The following CORO2B variants were observed in gnomAD, a reference collection of about 807,000 sequenced individuals.
The protein encoded by CORO2B is coronin-2B.
In CORO2B, 26 loss-of-function variants were observed where a neutral mutation model predicts 58.8. That is an observed-to-expected ratio of 0.44 (90% confidence interval 0.32 to 0.61). CORO2B has a LOEUF of 0.61. Among genes scored for constraint, CORO2B ranks in the 20% least tolerant of loss-of-function variants. CORO2B has a pLI of 0.04. For missense variants in CORO2B, 460 were observed against 645.1 expected (o/e 0.71, Z 3.11); for synonymous variants, 242 against 253.8 (o/e 0.95, Z 0.44).
intron 2 of CORO2B, among the ~76,000 whole-genome samples, chr15:68,659,665 G>T (rs565715131): frequency 2.4e-4 from 36 of 152,242 alleles, no homozygotes; most frequent in Non-Finnish European, 4.6e-4. Context: ...CAGACATGGT[G>T]GCTCATTCCT....
At chr15:68,666,232 A>C (rs1470666438) in intron 2 of CORO2B, among the ~76,000 whole-genome samples, 1 of 152,216 alleles carries the variant, frequency 6.6e-6, no homozygotes, top group African/African-American at 2.4e-5. Context: ...TGGGTAGCGG[A>C]CATAAAACCT....
the CORO2B span, among the ~76,000 whole-genome samples, chr15:68,522,375 T>C: frequency 3.9e-5 from 6 of 152,246 alleles, no homozygotes; most frequent in Non-Finnish European, 8.8e-5. Flanking sequence ...ATCTCTTATA[T>C]GCTCTTTAAG....
At chr15:68,690,646 CTTTTTTTTTT>C (rs765999578) in intron 2 of CORO2B, among the ~76,000 whole-genome samples, 1 of 102,876 alleles carries the variant, frequency 9.7e-6, no homozygotes, top group Non-Finnish European at 2.0e-5. Context: ...CGTTAGCTTT[CTTTTTTTTTT>C]TTTTTTTTTT....
Position 68,657,320 on chromosome 15 carries a change from C to T in CORO2B, c.216+11960C>T, listed in dbSNP as rs951229561. Among the ~76,000 whole-genome samples, 6 of 152,088 alleles carry T rather than the reference C, an allele frequency of 3.9e-5. No individual in the cohort carries two copies. In the East Asian group the frequency reaches 7.7e-4, roughly 20 times the overall value. On this transcript the variant is annotated intron_variant, in intron 2 of 11. Transcript: ENST00000261861. ...TTGCTTGAGTGCAGGAGCTTGGGAC[C>T]AACCTGGGCAACATAGCAAGACACC...
intron 11 of CORO2B, among the ~76,000 whole-genome samples, chr15:68,723,091 G>T (rs374002203): frequency 4.3e-5 from 6 of 140,556 alleles, no homozygotes; most frequent in African/African-American, 1.6e-4. Context: ...CAAAAGGAGA[G>T]AATCATAAAA....
chr15:68,695,536 T>G (rs1340375550), intron 3 of CORO2B, among the ~76,000 whole-genome samples: 2 of 152,164 alleles, frequency 1.3e-5, no homozygotes, highest in African/African-American at 4.8e-5. Context: ...AAGCGTGTGA[T>G]TCAGCATTTG....
chr15:68,660,829 A>C (rs548222927), intron 2 of CORO2B, among the ~76,000 whole-genome samples: 1 of 152,186 alleles, frequency 6.6e-6, no homozygotes, highest in Non-Finnish European at 1.5e-5. Flanking sequence ...CTCAGGCTTG[A>C]TGGCTTTCAC....
intron 1 of CORO2B, among the ~76,000 whole-genome samples, chr15:68,602,441 A>ACACACG (rs1165409686): frequency 1.3e-5 from 2 of 150,890 alleles, no homozygotes; most frequent in African/African-American, 4.9e-5. Flanking sequence ...ACACACACAC[A>ACACACG]CACACACACG....
intron 1 of CORO2B, among the ~76,000 whole-genome samples, chr15:68,584,230 C>A (rs1325487982): frequency 6.6e-6 from 1 of 152,206 alleles, no homozygotes; most frequent in Non-Finnish European, 1.5e-5. Flanking sequence ...CAGGCTCTTT[C>A]CTTCCTTACT....
At chr15:68,577,837 T>C (rs1462552360), upstream of CORO2B, among the ~76,000 whole-genome samples, 1 of 151,772 alleles carries the variant, frequency 6.6e-6, no homozygotes, top group Non-Finnish European at 1.5e-5. Flanking sequence ...AAGGCAGGCA[T>C]CCCATCTCCT....
rs529364143 is a variant in CORO2B, at chr15:68,589,998, C to T, written c.15+10721C>T. On this transcript the variant is annotated intron_variant, in intron 1 of 11. Coordinates refer to ENST00000261861, the MANE Select transcript of CORO2B (RefSeq NM_006091.5). ...CCGGCTCTCCCTCCTGGAAGCTGGC[C>T]GTCCTGGCACACTGGGCTGCCAGCA... Among the ~76,000 whole-genome samples the T allele has an allele frequency of 5.3e-5, 8 of 152,280 alleles. No homozygotes were observed. The East Asian group carries it at 9.7e-4, about 18-fold the overall frequency.
chr15:68,561,849 T>C, the CORO2B span, among the ~76,000 whole-genome samples: 2 of 152,178 alleles, frequency 1.3e-5, no homozygotes, highest in Non-Finnish European at 2.9e-5. Flanking sequence ...TGAGCCTGTG[T>C]GCGTAGTTGT....
chr15:68,692,751 A>G (rs766945333), intron 2 of CORO2B, among the ~76,000 whole-genome samples: 26 of 150,214 alleles, frequency 1.7e-4, no homozygotes, highest in Non-Finnish European at 3.3e-4. Context: ...CTCATGGCTC[A>G]GCCTCCCAAG....
chr15:68,569,106 AT>A, the CORO2B span, among the ~76,000 whole-genome samples: 2 of 152,114 alleles, frequency 1.3e-5, no homozygotes, highest in Non-Finnish European at 2.9e-5. Context: ...AAAGTGGTAC[AT>A]TTGTTACAAT....
intron 1 of CORO2B, among the ~76,000 whole-genome samples, chr15:68,605,359 A>G (rs961365190): frequency 2.0e-5 from 3 of 152,212 alleles, no homozygotes; most frequent in African/African-American, 7.2e-5. Context: ...GAAATAATCC[A>G]AAGGCGGGGA....
chr15:68,596,970 C>T (rs1566980764), intron 1 of CORO2B, among the ~76,000 whole-genome samples: 1 of 152,214 alleles, frequency 6.6e-6, no homozygotes, highest in Non-Finnish European at 1.5e-5. Context: ...TGGGTCTTGT[C>T]CTCCTGCAGG....
At chr15:68,544,251 A>G in the CORO2B span, among the ~76,000 whole-genome samples, 39 of 152,306 alleles carry the variant, frequency 2.6e-4, no homozygotes, top group East Asian at 7.5e-3. Context: ...TACTGATGAT[A>G]TCTTCCCCAG....
the CORO2B span, among the ~76,000 whole-genome samples, chr15:68,551,442 G>A: frequency 0.15 from 22,641 of 152,178 alleles, 2,078 homozygotes; most frequent in Middle Eastern, 0.24. Context: ...GTGAAGAGGC[G>A]CAGCTCACCA....
chr15:68,714,001 T>C lies in CORO2B; in HGVS notation c.725T>C (p.Val242Ala). ...GNMKRLLTTG[V>A]SRWNTRQIAL... ...ATGAAGCGGCTCCTCACGACAGGGG[T>C]CTCCAGGTGGAACACAAGACAGATT... Residue 242 changes from valine to alanine, a missense_variant, in exon 6 of 12, where the codon GTC becomes GCC. Physicochemically the swap from Val to Ala is moderately conservative, Grantham distance 64. Coordinates refer to ENST00000261861, the MANE Select transcript of CORO2B (RefSeq NM_006091.5). 6.2e-7 allele frequency: 1 copy of C among 1,613,502 alleles called. No homozygotes were observed. Among genetic ancestry groups the C allele is most frequent in the African/African-American group, 1.3e-5 (1 of 74,872 alleles).
Sources: allele counts gnomAD v4.1 joint callset (sites outside exome capture counted in the v4.1 genomes callset), GRCh38; gene constraint gnomAD v4.1.1; transcripts MANE v1.5; gene names NCBI Gene and HGNC (gene_info 2026-07-23, HGNC 2026-07-21).